The following PAK5 variants were observed in gnomAD, a reference collection of about 807,000 sequenced individuals.
PAK5 encodes the protein serine/threonine-protein kinase PAK 5.
Under a neutral mutation model 65.9 loss-of-function variants are expected in PAK5, and 16 were observed. The ratio of observed to expected loss-of-function variants is 0.24; its 90% confidence interval spans 0.16 to 0.37. The LOEUF (loss-of-function observed/expected upper bound fraction) is 0.37, where lower values mean the gene tolerates loss of function less well. PAK5 is among the 10% of genes least tolerant of loss of function. PAK5 has a pLI of 1.00. For synonymous variants in PAK5, 371 were observed against 354.9 expected (o/e 1.05, Z -0.51); for missense variants, 785 against 903.9 (o/e 0.87, Z 1.69).
intron 2 of PAK5, among the ~76,000 whole-genome samples, chr20:9,648,728 AT>A (rs1569019722): frequency 6.6e-6 from 1 of 152,140 alleles, no homozygotes; most frequent in Non-Finnish European, 1.5e-5. Context: ...AAAACTGGAG[AT>A]TTAGAATCTC....
chr20:9,566,523 G>A (rs1405647334), intron 4 of PAK5, 139 bp from the exon 5 acceptor site: 3 of 799,108 alleles, frequency 3.8e-6, no homozygotes, highest in South Asian at 1.6e-5. Flanking sequence ...GGCACCAACA[G>A]GACCGGCCAC....
At chr20:9,609,655 T>C (rs1035967413) in intron 3 of PAK5, among the ~76,000 whole-genome samples, 2 of 152,212 alleles carry the variant, frequency 1.3e-5, no homozygotes, top group African/African-American at 2.4e-5. Flanking sequence ...TTTTTGCATT[T>C]GGGCACTGGC....
chr20:9,690,750 C>CTTTTTTTTT (rs112955560), intron 2 of PAK5, among the ~76,000 whole-genome samples: 34 of 103,958 alleles, frequency 3.3e-4, no homozygotes, highest in Non-Finnish European at 4.7e-4. Flanking sequence ...TTCTTTCTTT[C>CTTTTTTTTT]TTTTTTTTTT....
At chr20:9,634,398 T>C (rs2046959151) in intron 3 of PAK5, among the ~76,000 whole-genome samples, 1 of 152,220 alleles carries the variant, frequency 6.6e-6, no homozygotes, top group Non-Finnish European at 1.5e-5. Flanking sequence ...ACATCAGCTT[T>C]TGTTTTTAGA....
chr20:9,830,925 T>C (rs1271582445), intron 1 of PAK5, among the ~76,000 whole-genome samples: 1 of 152,216 alleles, frequency 6.6e-6, no homozygotes. Context: ...ATTTCTGTTG[T>C]CTTTTTTTGG....
Position 9,557,513 on chromosome 20 carries a change from A to T in PAK5, c.1743+95T>A, listed in dbSNP as rs1159968788. ...AGTAGGTGACTTGTGACTAAGAAAA[A>T]TTAGAGTTATAAAAAAGTGTTTCTA... On this transcript the variant is annotated intron_variant, in intron 7 of 9. Transcript: ENST00000353224. 5 of 1,048,606 alleles carry T rather than the reference A, an allele frequency of 4.8e-6. No homozygotes were observed. In the Admixed American group the frequency reaches 1.4e-4, roughly 30 times the overall value. The allele number at this position is 1,048,606 out of a possible 1,614,324, so 65.0% of individuals were successfully genotyped here.
intron 3 of PAK5, among the ~76,000 whole-genome samples, chr20:9,643,862 G>A (rs542821358): frequency 4.6e-5 from 7 of 152,226 alleles, no homozygotes; most frequent in South Asian, 2.1e-4. Flanking sequence ...ATTTAAAGTC[G>A]AAATAAAAAT....
At chr20:9,594,313 TAC>T (rs2046226327) in intron 3 of PAK5, among the ~76,000 whole-genome samples, 1 of 152,202 alleles carries the variant, frequency 6.6e-6, no homozygotes, top group African/African-American at 2.4e-5. Context: ...AATTAAAATA[TAC>T]ATTGAAGTCT....
chr20:9,546,478 G>A (rs970002), intron 7 of PAK5, among the ~76,000 whole-genome samples: 27,893 of 152,070 alleles, frequency 0.18, 3,295 homozygotes, highest in African/African-American at 0.33. Flanking sequence ...TATTGCCATC[G>A]CTAGGGTAGG....
intron 1 of PAK5, among the ~76,000 whole-genome samples, chr20:9,804,219 A>C (rs2049204449): frequency 6.6e-6 from 1 of 152,178 alleles, no homozygotes; most frequent in Admixed American, 6.5e-5. Context: ...ATAGTTTCTC[A>C]ACATTGACCC....
intron 1 of PAK5, among the ~76,000 whole-genome samples, chr20:9,833,673 G>A (rs1055694990): frequency 2.6e-5 from 4 of 152,126 alleles, no homozygotes; most frequent in Admixed American, 2.6e-4. Context: ...CCAGATGGAT[G>A]TTAGAATCAT....
At chr20:9,567,910 G>A in intron 4 of PAK5, among the ~76,000 whole-genome samples, 1 of 152,202 alleles carries the variant, frequency 6.6e-6, no homozygotes, top group East Asian at 1.9e-4. Flanking sequence ...GGGTTCCGTT[G>A]GAGCAGAAGC....
intron 1 of PAK5, among the ~76,000 whole-genome samples, chr20:9,735,022 T>C (rs946551460): frequency 1.3e-5 from 2 of 152,224 alleles, no homozygotes; most frequent in African/African-American, 4.8e-5. Flanking sequence ...ATTTATTGAA[T>C]ATTTACTAGC....
chr20:9,812,298 A>G (rs1471940267), intron 1 of PAK5, among the ~76,000 whole-genome samples: 1 of 152,138 alleles, frequency 6.6e-6, no homozygotes, highest in East Asian at 1.9e-4. Flanking sequence ...CAAAAAAAAA[A>G]CGATGTTTAA....
intron 1 of PAK5, among the ~76,000 whole-genome samples, chr20:9,783,325 A>G (rs985996337): frequency 6.6e-6 from 1 of 152,194 alleles, no homozygotes; most frequent in African/African-American, 2.4e-5. Flanking sequence ...GTATCCAACT[A>G]AAGTATTGCT....
chr20:9,579,369 C>G (rs1291069256), intron 4 of PAK5, among the ~76,000 whole-genome samples: 1 of 152,190 alleles, frequency 6.6e-6, no homozygotes, highest in Non-Finnish European at 1.5e-5. Flanking sequence ...TTTTCCAAGA[C>G]TTTAGACCTT....
At chr20:9,699,420 T>A (rs1321734840) in intron 2 of PAK5, among the ~76,000 whole-genome samples, 1 of 152,036 alleles carries the variant, frequency 6.6e-6, no homozygotes, top group Non-Finnish European at 1.5e-5. Context: ...ACAATCTGTA[T>A]GGAAACACCA....
chr20:9,837,733 T>C (rs943716750), intron 1 of PAK5, among the ~76,000 whole-genome samples: 1 of 152,220 alleles, frequency 6.6e-6, no homozygotes, highest in African/African-American at 2.4e-5. Context: ...CCTGTGGCTA[T>C]GTCTTGGTAG....
chr20:9,574,368 C>G (rs573543432), intron 4 of PAK5, among the ~76,000 whole-genome samples: 1 of 152,236 alleles, frequency 6.6e-6, no homozygotes, highest in African/African-American at 2.4e-5. Context: ...TTGGCATATC[C>G]AATTAACCCC....
Sources: allele counts gnomAD v4.1 joint callset (sites outside exome capture counted in the v4.1 genomes callset), GRCh38; gene constraint gnomAD v4.1.1; transcripts MANE v1.5; gene names NCBI Gene and HGNC (gene_info 2026-07-23, HGNC 2026-07-21).